The following ANGPT2 variants were observed in gnomAD, a reference collection of about 807,000 sequenced individuals.
ANGPT2 encodes angiopoietin-2.
A neutral mutation model predicts 62.9 loss-of-function variants in ANGPT2; 28 were observed. The ratio of observed to expected loss-of-function variants is 0.44; its 90% CI spans 0.33 to 0.61. The LOEUF (loss-of-function observed/expected upper bound fraction) is 0.61, where lower values mean the gene tolerates loss of function less well. ANGPT2 is among the 20% of genes least tolerant of loss of function. ANGPT2 has a pLI of 0.03. For synonymous variants in ANGPT2, 284 were observed against 207.8 expected, an observed-to-expected ratio of 1.37 and a Z score of -3.15; for missense variants, 727 against 594.9, an observed-to-expected ratio of 1.22 and a Z score of -2.31.
Position 6,499,774 on chromosome 8 carries a change from T to C in ANGPT2, c.*3327A>G, listed in dbSNP as rs1811792874. On this transcript the variant is annotated 3_prime_UTR_variant, in exon 9 of 9. Coordinates refer to ENST00000629816, the MANE Select transcript of ANGPT2 (RefSeq NM_001118887.2). ...GCGGAGTGTATCACTTTTTGCTGTG[T>C]CTTCAAAGTGATTCTTGGTTTATTG... 6.2e-6 allele frequency: 8 copies of C among 1,283,900 alleles called. No individual in the cohort carries two copies. The highest frequency in any genetic ancestry group is 1.7e-5 in the Admixed American group (1 of 59,496). 79.5% of individuals were successfully genotyped at this position (1,283,900 alleles called of 1,614,324 possible). A position where few individuals can be genotyped will look rare whatever the true frequency, so the allele number is the denominator to read the frequency against.
intron 3 of ANGPT2, among the ~76,000 whole-genome samples, chr8:6,523,741 C>A (rs1234790541): frequency 1.3e-5 from 2 of 152,144 alleles, no homozygotes; most frequent in Non-Finnish European, 2.9e-5. Flanking sequence ...AGGTGTGCCA[C>A]CACGCCCAGC....
intron 1 of ANGPT2, among the ~76,000 whole-genome samples, chr8:6,537,228 C>T (rs978067074): frequency 1.3e-5 from 2 of 152,226 alleles, no homozygotes; most frequent in African/African-American, 4.8e-5. Context: ...AGGATTATTC[C>T]ATGAGCGTGA....
intron 1 of ANGPT2, among the ~76,000 whole-genome samples, chr8:6,553,320 C>T (rs556217038): frequency 1.3e-5 from 2 of 152,204 alleles, no homozygotes; most frequent in East Asian, 1.9e-4. Context: ...ACAAGTAAAG[C>T]AACAACAACA....
chr8:6,513,851 T>C lies in ANGPT2; in HGVS notation c.1030-7A>G, dbSNP rs760264196. The C allele has an allele frequency of 6.3e-7, 1 of 1,595,994 alleles. No homozygotes were observed. The highest frequency in any genetic ancestry group is 8.5e-7 in the Non-Finnish European group (1 of 1,172,940). On this transcript the variant is annotated splice_polypyrimidine_tract_variant and splice_region_variant and intron_variant, in intron 6 of 8. Coordinates refer to ENST00000629816, the MANE Select transcript of ANGPT2 (RefSeq NM_001118887.2). ...CTGAAGGGTTACCAAATCCCTGTAATGCAAGTTGTTAAATTCAATTATTTC... is the reference window on the plus strand; with the variant it reads ...CTGAAGGGTTACCAAATCCCTGTAACGCAAGTTGTTAAATTCAATTATTTC...
intron 5 of ANGPT2, among the ~76,000 whole-genome samples, chr8:6,519,187 G>A (rs77510996): frequency 0.088 from 13,421 of 152,218 alleles, 1,056 homozygotes; most frequent in African/African-American, 0.2. Context: ...CTTCCCCAGC[G>A]GTTCTCATGG....
chr8:6,535,966 A>C (rs1157462826), intron 1 of ANGPT2, among the ~76,000 whole-genome samples: 1 of 152,010 alleles, frequency 6.6e-6, no homozygotes, highest in Non-Finnish European at 1.5e-5. Flanking sequence ...CTGAGGTGGG[A>C]GGACTGCTTG....
At chr8:6,513,064 C>T (rs373331928) in intron 7 of ANGPT2, among the ~76,000 whole-genome samples, 8 of 152,328 alleles carry the variant, frequency 5.3e-5, no homozygotes, top group East Asian at 3.9e-4. Flanking sequence ...ATCATGGGAA[C>T]ACTTACTATT....
At chr8:6,550,383 C>T (rs1032959475) in intron 1 of ANGPT2, among the ~76,000 whole-genome samples, 5 of 152,330 alleles carry the variant, frequency 3.3e-5, no homozygotes, top group Admixed American at 3.3e-4. Flanking sequence ...TAGGGCTGCA[C>T]CCAGACACGT....
intron 1 of ANGPT2, among the ~76,000 whole-genome samples, chr8:6,533,540 C>T (rs1280364334): frequency 4.2e-5 from 6 of 141,922 alleles, no homozygotes; most frequent in Non-Finnish European, 9.1e-5. Context: ...ATTGTGTATG[C>T]GTAACTCCAG....
intron 1 of ANGPT2, among the ~76,000 whole-genome samples, chr8:6,548,583 C>T (rs985696169): frequency 6.6e-6 from 1 of 152,094 alleles, no homozygotes; most frequent in Admixed American, 6.5e-5. Context: ...GGCTGATGAG[C>T]CAAGGTACAG....
intron 3 of ANGPT2, among the ~76,000 whole-genome samples, chr8:6,522,229 C>T (rs971438867): frequency 6.6e-6 from 1 of 152,048 alleles, no homozygotes; most frequent in Non-Finnish European, 1.5e-5. Context: ...GTGGCGGGCG[C>T]CTGTAGTCAC....
At chr8:6,531,445 C>T (rs1215934326) in intron 2 of ANGPT2, among the ~76,000 whole-genome samples, 1 of 152,018 alleles carries the variant, frequency 6.6e-6, no homozygotes, top group Non-Finnish European at 1.5e-5. Flanking sequence ...CCCGCCACCA[C>T]ACCTGGCTAA....
Position 6,501,517 on chromosome 8 carries a change from G to C in ANGPT2, c.*1584C>G, listed in dbSNP as rs1026099067. ...CAGGAGTTTATGGTTTTGTAGTCCC[G>C]AGTATAAAGCTGTGTTCTCAAATTT... On this transcript the variant is annotated 3_prime_UTR_variant, in exon 9 of 9. Transcript: ENST00000629816. 3 of 151,290 alleles carry C rather than the reference G, an allele frequency of 2.0e-5. No individual in the cohort carries two copies. Among genetic ancestry groups the C allele is most frequent in the Admixed American group, 2.0e-4 (3 of 15,208 alleles). The allele number at this position is 151,290 out of a possible 1,614,324, so 9.4% of individuals were successfully genotyped here.
At chr8:6,521,538 C>T (rs963204751) in intron 3 of ANGPT2, 128 bp from the exon 4 acceptor site, 1 of 694,492 alleles carries the variant, frequency 1.4e-6, no homozygotes. Context: ...TATGATGTTA[C>T]CAGAGCCCTA....
At chr8:6,557,992 T>TC (rs1307747002) in intron 1 of ANGPT2, among the ~76,000 whole-genome samples, 1 of 152,242 alleles carries the variant, frequency 6.6e-6, no homozygotes. Flanking sequence ...CTTGACTGAC[T>TC]CCCTCACAGG....
At chr8:6,503,658 C>T (rs1322643992) in intron 8 of ANGPT2, among the ~76,000 whole-genome samples, 2 of 152,330 alleles carry the variant, frequency 1.3e-5, no homozygotes, top group African/African-American at 2.4e-5. Context: ...GGGCTGGACT[C>T]GCTCAGGCTC....
chr8:6,527,899 AT>A (rs71213313), intron 2 of ANGPT2, among the ~76,000 whole-genome samples: 186 of 133,040 alleles, frequency 1.4e-3, no homozygotes, highest in Admixed American at 1.2e-3. Context: ...CCACGTCTCT[AT>A]TTTTTTTTTT....
rs373673677 is a variant in ANGPT2, at chr8:6,502,883, C to G, written c.*218G>C. ...TTTGCATAGGTGTTCTGTCTAATCACAATTATGGATGTTTAGGGTCTTGCT... is the reference window on the plus strand; with the variant it reads ...TTTGCATAGGTGTTCTGTCTAATCAGAATTATGGATGTTTAGGGTCTTGCT... On this transcript the variant is annotated 3_prime_UTR_variant, in exon 9 of 9. Transcript: ENST00000629816. 1.8e-6 allele frequency: 1 copy of G among 547,038 alleles called. No homozygotes were observed. The highest frequency in any genetic ancestry group is 3.1e-5 in the East Asian group (1 of 32,648). 33.9% of individuals were successfully genotyped at this position (547,038 alleles called of 1,614,324 possible).
chr8:6,533,569 C>CTTTTT (rs56882906), intron 1 of ANGPT2, among the ~76,000 whole-genome samples: 10 of 113,328 alleles, frequency 8.8e-5, no homozygotes, highest in East Asian at 8.1e-4. Context: ...CGTTTAGTTT[C>CTTTTT]TTTTTTTTTT....
Sources: gnomAD v4.1 joint callset for allele counts (sites outside exome capture counted in the v4.1 genomes callset) on GRCh38, gnomAD v4.1.1 for gene constraint, MANE v1.5 for transcripts, NCBI Gene and HGNC (gene_info 2026-07-23, HGNC 2026-07-21) for gene names.